Variants in SPESP1 observed in about 807,000 individuals in gnomAD.
The protein encoded by SPESP1 is equatorial segment protein.
SPESP1 carries 1 observed loss-of-function variant against 3.1 expected under a neutral mutation model. That is an observed-to-expected ratio of 0.33 (90% CI 0.12 to 1.54). The LOEUF is 1.54. Ranked by LOEUF, SPESP1 falls within the 40% of genes most tolerant of loss-of-function variation. SPESP1 has a pLI of 0.38. For synonymous variants in SPESP1, 138 were observed against 150.7 expected (o/e 0.92, Z 0.62); for missense variants, 398 against 410.1 (o/e 0.97, Z 0.26).
intron 1 of SPESP1, among the ~76,000 whole-genome samples, chr15:68,944,132 A>G (rs1218767348): frequency 6.6e-6 from 1 of 152,102 alleles, no homozygotes; most frequent in African/African-American, 2.4e-5. Context: ...AAAATGGCAA[A>G]CCTTAAAATT....
At chr15:68,935,301 C>G (rs536307721) in intron 1 of SPESP1, among the ~76,000 whole-genome samples, 1 of 152,158 alleles carries the variant, frequency 6.6e-6, no homozygotes, top group Admixed American at 6.5e-5. Flanking sequence ...CCAAATTTAT[C>G]ATTTTTCATG....
chr15:68,945,668 G>C lies in SPESP1; in HGVS notation c.134G>C (p.Arg45Pro), dbSNP rs775466523. Residue 45 changes from arginine (R) to proline (P), a missense_variant, in exon 2 of 2, where the codon CGA becomes CCA. Physicochemically the swap from Arg to Pro is moderately radical, Grantham distance 103. Transcript: ENST00000310673. ...HYIQVLENLV[R>P]SVPSGEPGRE... ...ATACAAGTTTTAGAGAACCTAGTAC[G>C]AAGTGTTCCCTCTGGGGAGCCAGGT... 2 of 1,612,884 alleles carry C rather than the reference G, an allele frequency of 1.2e-6. No individual in the cohort carries two copies. The highest frequency in any genetic ancestry group is 2.7e-5 in the African/African-American group (2 of 74,828).
intron 1 of SPESP1, among the ~76,000 whole-genome samples, chr15:68,931,462 G>T (rs1004545535): frequency 3.9e-5 from 6 of 152,050 alleles, no homozygotes; most frequent in Non-Finnish European, 7.4e-5. Flanking sequence ...CACACAGTCT[G>T]GTCTGCAAAG....
At chr15:68,932,039 A>G (rs906439759) in intron 1 of SPESP1, among the ~76,000 whole-genome samples, 1 of 152,260 alleles carries the variant, frequency 6.6e-6, no homozygotes, top group Non-Finnish European at 1.5e-5. Context: ...CTAGGTAACT[A>G]AAGTTAGCTC....
rs1259756411 is a variant in SPESP1, at chr15:68,945,723, T to G, written c.189T>G (p.His63Gln). Residue 63 changes from histidine (H) to glutamine (Q), a missense_variant, in exon 2 of 2, where the codon CAT (histidine) becomes CAG (glutamine). By Grantham distance (24) the His-to-Gln change is conservative. Transcript: ENST00000310673. ...GREKKSNSPK[H>Q]VYSIASKGSK... ...AGAAAAAATCTAACTCTCCAAAACA[T>G]GTTTATTCTATAGCATCAAAGGGAT... is the stretch of plus-strand genomic sequence containing the variant. The G allele has an allele frequency of 1.9e-5, 30 of 1,613,954 alleles. No individual in the cohort carries two copies. The highest frequency in any genetic ancestry group is 2.3e-5 in the Non-Finnish European group (27 of 1,179,998).
At chr15:68,932,655 G>A (rs999208943) in intron 1 of SPESP1, among the ~76,000 whole-genome samples, 6 of 152,206 alleles carry the variant, frequency 3.9e-5, no homozygotes, top group African/African-American at 1.4e-4. Context: ...GCCTTGCAAA[G>A]TGCTGGGATT....
chr15:68,932,446 A>C (rs1299444456), intron 1 of SPESP1, among the ~76,000 whole-genome samples: 2 of 142,356 alleles, frequency 1.4e-5, no homozygotes, highest in Non-Finnish European at 3.0e-5. Context: ...ACTAGAGTGC[A>C]GTGGCCCGAT....
Position 68,946,562 on chromosome 15 carries a change from T to G in SPESP1, c.1028T>G (p.Val343Gly). Residue 343 changes from valine to glycine, a missense_variant, in exon 2 of 2, where the codon GTC (valine) becomes GGC (glycine). Coordinates refer to ENST00000310673, the MANE Select transcript of SPESP1 (RefSeq NM_145658.4). The part of the protein sequence containing the change: ...TLKNMCRSRR[V>G]TALLKVY ...AAAAATATGTGTAGATCAAGGAGAG[T>G]CACAGCCTTATTAAAAGTTTATTAA... The G allele has an allele frequency of 6.8e-7, 1 of 1,480,014 alleles. No homozygotes were observed. Among genetic ancestry groups the G allele is most frequent in the Non-Finnish European group, 8.9e-7 (1 of 1,123,684 alleles). 91.7% of individuals were successfully genotyped at this position (1,480,014 alleles called of 1,614,324 possible).
At chr15:68,933,938 A>G (rs1043029364) in intron 1 of SPESP1, among the ~76,000 whole-genome samples, 26 of 152,064 alleles carry the variant, frequency 1.7e-4, no homozygotes, top group East Asian at 5.8e-4. Context: ...AACTACTATT[A>G]AAATTATATA....
chr15:68,932,542 C>A (rs553424843), intron 1 of SPESP1, among the ~76,000 whole-genome samples: 43 of 152,282 alleles, frequency 2.8e-4, no homozygotes, highest in African/African-American at 9.9e-4. Flanking sequence ...AGGCGCACGC[C>A]ACTACCGCCT....
chr15:68,936,004 T>TA (rs1374184446), intron 1 of SPESP1, among the ~76,000 whole-genome samples: 1 of 152,238 alleles, frequency 6.6e-6, no homozygotes, highest in Non-Finnish European at 1.5e-5. Flanking sequence ...TATTAATTCT[T>TA]ACTTTAGTAC....
chr15:68,938,709 T>G (rs1019334506), intron 1 of SPESP1, among the ~76,000 whole-genome samples: 1 of 152,226 alleles, frequency 6.6e-6, no homozygotes, highest in Non-Finnish European at 1.5e-5. Context: ...CCAGCATCCT[T>G]GTGTCATTTC....
chr15:68,934,824 A>C (rs1334185519), intron 1 of SPESP1, among the ~76,000 whole-genome samples: 2 of 152,078 alleles, frequency 1.3e-5, no homozygotes, highest in Non-Finnish European at 2.9e-5. Context: ...AATTTATTTA[A>C]CCTAAGTATA....
intron 1 of SPESP1, among the ~76,000 whole-genome samples, chr15:68,937,081 A>G (rs1895700406): frequency 6.6e-6 from 1 of 152,200 alleles, no homozygotes; most frequent in African/African-American, 2.4e-5. Context: ...CTCCCCACAC[A>G]ATAGTTTTTA....
chr15:68,940,114 A>G (rs1472081220), intron 1 of SPESP1, among the ~76,000 whole-genome samples: 1 of 152,206 alleles, frequency 6.6e-6, no homozygotes, highest in Non-Finnish European at 1.5e-5. Flanking sequence ...TTCAGTTATT[A>G]TTACTATTAT....
intron 1 of SPESP1, among the ~76,000 whole-genome samples, chr15:68,940,040 C>T (rs759209135): frequency 2.6e-5 from 4 of 152,048 alleles, no homozygotes; most frequent in South Asian, 2.1e-4. Context: ...CATTTTATTA[C>T]GGAAAAATTT....
At chr15:68,940,127 G>A (rs1394090) in intron 1 of SPESP1, among the ~76,000 whole-genome samples, 9,964 of 152,080 alleles carry the variant, frequency 0.066, 392 homozygotes, top group East Asian at 0.18. Flanking sequence ...ACTATTATTA[G>A]CATTTCAGTA....
In SPESP1 at chr15:68,930,609, C is replaced by T; in HGVS notation, c.-45C>T. The T allele has an allele frequency of 6.2e-7, 1 of 1,611,806 alleles. No homozygotes were observed. Among genetic ancestry groups the T allele is most frequent in the South Asian group, 1.1e-5 (1 of 91,008 alleles). On this transcript the variant is annotated 5_prime_UTR_variant, in exon 1 of 2. Coordinates refer to ENST00000310673, the MANE Select transcript of SPESP1 (RefSeq NM_145658.4). ...GCCTTGAGGTTCCCAGCCTGGTGGC[C>T]CCAGGACGTTCCGGTCGCATGGCAG... is the stretch of plus-strand genomic sequence containing the variant.
intron 1 of SPESP1, among the ~76,000 whole-genome samples, chr15:68,937,673 A>G (rs1207030203): frequency 2.0e-5 from 3 of 151,984 alleles, no homozygotes; most frequent in Non-Finnish European, 4.4e-5. Context: ...GGTATAGGGG[A>G]TATGGGAAAT....
Sources: allele counts gnomAD v4.1 joint callset (sites outside exome capture counted in the v4.1 genomes callset), GRCh38; gene constraint gnomAD v4.1.1; transcripts MANE v1.5; gene names NCBI Gene and HGNC (gene_info 2026-07-23, HGNC 2026-07-21).